The following TSPAN5 variants were observed in gnomAD, a reference collection of about 807,000 sequenced individuals.
The protein encoded by TSPAN5 is tetraspanin-5.
A neutral mutation model predicts 37.1 loss-of-function variants in TSPAN5; 10 were observed. That is an observed-to-expected ratio of 0.27 (90% CI 0.17 to 0.46). The LOEUF is 0.46. Among genes scored for constraint, TSPAN5 ranks in the 20% least tolerant of loss-of-function variants. The pLI, the probability that TSPAN5 is intolerant of heterozygous loss-of-function variation, is 1.00. For missense variants in TSPAN5, 195 were observed against 326.6 expected (o/e 0.60, Z 3.11); for synonymous variants, 110 against 118.9 (o/e 0.93, Z 0.48).
intron 1 of TSPAN5, among the ~76,000 whole-genome samples, chr4:98,620,199 C>T (rs888610803): frequency 6.6e-6 from 1 of 152,126 alleles, no homozygotes; most frequent in Non-Finnish European, 1.5e-5. Context: ...AGAGGCCATG[C>T]AGCTTCTTTA....
At chr4:98,610,352 A>C (rs1756152286) in intron 1 of TSPAN5, among the ~76,000 whole-genome samples, 1 of 152,202 alleles carries the variant, frequency 6.6e-6, no homozygotes, top group Non-Finnish European at 1.5e-5. Flanking sequence ...TCACGGTTAC[A>C]CTGGGGACTA....
chr4:98,576,396 G>A (rs1755237259), intron 1 of TSPAN5, among the ~76,000 whole-genome samples: 1 of 152,134 alleles, frequency 6.6e-6, no homozygotes, highest in South Asian at 2.1e-4. Flanking sequence ...AACCAAATTA[G>A]ATTGTCTGAA....
At chr4:98,498,883 G>C (rs543321332) in intron 2 of TSPAN5, among the ~76,000 whole-genome samples, 105 of 152,284 alleles carry the variant, frequency 6.9e-4, no homozygotes, top group African/African-American at 2.4e-3. Context: ...GCAATGGGCT[G>C]TTCTGGGGGC....
At chr4:98,545,003 A>C (rs1754437830) in intron 1 of TSPAN5, among the ~76,000 whole-genome samples, 1 of 152,210 alleles carries the variant, frequency 6.6e-6, no homozygotes, top group African/African-American at 2.4e-5. Context: ...GGCTGAGCCT[A>C]CAAGGCAAGT....
At chr4:98,646,863 G>A (rs551901671) in intron 1 of TSPAN5, among the ~76,000 whole-genome samples, 1 of 152,202 alleles carries the variant, frequency 6.6e-6, no homozygotes, top group Non-Finnish European at 1.5e-5. Flanking sequence ...AATACCTATT[G>A]ACTATTCCAA....
At chr4:98,576,721 G>C (rs1243554871) in intron 1 of TSPAN5, among the ~76,000 whole-genome samples, 1 of 152,116 alleles carries the variant, frequency 6.6e-6, no homozygotes, top group African/African-American at 2.4e-5. Context: ...CCAGGACTAA[G>C]AATGATTTTT....
chr4:98,532,627 A>G (rs1307201355), intron 1 of TSPAN5, among the ~76,000 whole-genome samples: 1 of 134,850 alleles, frequency 7.4e-6, no homozygotes, highest in African/African-American at 2.8e-5. Flanking sequence ...CTGTCATCTG[A>G]AAACAGGGAC....
At chr4:98,616,914 A>C (rs1579033048) in intron 1 of TSPAN5, among the ~76,000 whole-genome samples, 1 of 141,472 alleles carries the variant, frequency 7.1e-6, no homozygotes. Context: ...GCCTTGACCT[A>C]CTGGGCTCAA....
chr4:98,598,418 C>T (rs1383650474), intron 1 of TSPAN5, among the ~76,000 whole-genome samples: 5 of 151,306 alleles, frequency 3.3e-5, no homozygotes, highest in Non-Finnish European at 7.4e-5. Context: ...ACGCTGGGAG[C>T]TGTAGACCGG....
chr4:98,518,568 G>A (rs1753786446), intron 1 of TSPAN5, among the ~76,000 whole-genome samples: 1 of 152,130 alleles, frequency 6.6e-6, no homozygotes, highest in Admixed American at 6.5e-5. Flanking sequence ...AAGAGACGGC[G>A]ATAGAAAGAC....
intron 1 of TSPAN5, among the ~76,000 whole-genome samples, chr4:98,637,044 T>C (rs1756871146): frequency 6.6e-6 from 1 of 152,150 alleles, no homozygotes; most frequent in Admixed American, 6.5e-5. Flanking sequence ...GCTTCCCAGC[T>C]TCCCCATGAG....
In TSPAN5 at chr4:98,644,240, G is replaced by C. The variant is rs566962616; in HGVS notation, c.81+13906C>G. On this transcript the variant is annotated intron_variant, in intron 1 of 7. Coordinates refer to ENST00000305798, the MANE Select transcript of TSPAN5 (RefSeq NM_005723.4). ...AAAGGCCGGTAAAGTCGGAAGAAATGCTTAAAAGCCACTAATGTAAGAGCA... is the reference window on the plus strand; with the variant it reads ...AAAGGCCGGTAAAGTCGGAAGAAATCCTTAAAAGCCACTAATGTAAGAGCA... Among the ~76,000 whole-genome samples, 3 of 152,178 alleles carry C rather than the reference G, an allele frequency of 2.0e-5. No homozygotes were observed. In the East Asian group the frequency reaches 5.8e-4, roughly 29 times the overall value.
At chr4:98,546,189 A>AC (rs1473356322) in intron 1 of TSPAN5, among the ~76,000 whole-genome samples, 1 of 152,212 alleles carries the variant, frequency 6.6e-6, no homozygotes, top group Non-Finnish European at 1.5e-5. Flanking sequence ...TAGGTCAGAG[A>AC]CCCAGGACCA....
At chr4:98,575,518 C>A (rs1047852373) in intron 1 of TSPAN5, among the ~76,000 whole-genome samples, 3 of 139,980 alleles carry the variant, frequency 2.1e-5, no homozygotes, top group African/African-American at 3.0e-5. Flanking sequence ...TCTGCTGATT[C>A]CCTTCTCTCT....
chr4:98,570,299 A>G (rs1346610262), intron 1 of TSPAN5, among the ~76,000 whole-genome samples: 1 of 152,198 alleles, frequency 6.6e-6, no homozygotes, highest in Non-Finnish European at 1.5e-5. Flanking sequence ...GAAACTCCCA[A>G]AAAAATAAAG....
intron 1 of TSPAN5, among the ~76,000 whole-genome samples, chr4:98,524,395 G>T (rs1753917057): frequency 6.6e-6 from 1 of 152,190 alleles, no homozygotes; most frequent in African/African-American, 2.4e-5. Context: ...CCCACAGTTT[G>T]CCCTTGAGCC....
chr4:98,498,796 G>A (rs1317153395), intron 2 of TSPAN5, among the ~76,000 whole-genome samples: 3 of 152,154 alleles, frequency 2.0e-5, no homozygotes, highest in Non-Finnish European at 2.9e-5. Flanking sequence ...AAGGGGCTGT[G>A]GGCTGCCTCC....
At chr4:98,576,537 C>T (rs887711490) in intron 1 of TSPAN5, among the ~76,000 whole-genome samples, 10 of 152,078 alleles carry the variant, frequency 6.6e-5, no homozygotes, top group South Asian at 4.2e-4. Context: ...GTCAGAAGTT[C>T]GAGACCAGCT....
intron 1 of TSPAN5, among the ~76,000 whole-genome samples, chr4:98,573,870 G>C (rs370982982): frequency 3.3e-4 from 50 of 152,302 alleles, no homozygotes; most frequent in African/African-American, 1.2e-3. Flanking sequence ...GGTAACTCAG[G>C]AATGTTAGAA....
Sources: allele counts gnomAD v4.1 joint callset (sites outside exome capture counted in the v4.1 genomes callset), GRCh38; gene constraint gnomAD v4.1.1; transcripts MANE v1.5; gene names NCBI Gene and HGNC (gene_info 2026-07-23, HGNC 2026-07-21).